Variants in ARMH3 observed in about 807,000 individuals in gnomAD.
ARMH3 encodes the protein armadillo like helical domain containing 3.
In ARMH3, 60 loss-of-function variants were observed where a neutral mutation model predicts 99.1. The ratio of observed to expected loss-of-function variants is 0.61; its 90% CI spans 0.49 to 0.75. ARMH3 has a LOEUF of 0.75. Among genes scored for constraint, ARMH3 ranks in the 30% least tolerant of loss-of-function variants. The probability of loss-of-function intolerance (pLI) is 0.00; values close to 1 mark genes in which losing one functional copy is unlikely to be tolerated. For synonymous variants in ARMH3, 285 were observed against 292.8 expected, an observed-to-expected ratio of 0.97 and a Z score of 0.27; for missense variants, 679 against 843.1, an observed-to-expected ratio of 0.81 and a Z score of 2.41.
chr10:101,852,887 T>A (rs948089548), intron 24 of ARMH3, among the ~76,000 whole-genome samples: 9 of 151,436 alleles, frequency 5.9e-5, no homozygotes, highest in African/African-American at 2.2e-4. Context: ...GCCCTTTCTT[T>A]TTTTTTTCTT....
intron 24 of ARMH3, among the ~76,000 whole-genome samples, chr10:101,879,105 C>T (rs2067344736): frequency 6.6e-6 from 1 of 152,126 alleles, no homozygotes; most frequent in Admixed American, 6.5e-5. Context: ...AAGCCATTAT[C>T]TTCACTCTCC....
intron 1 of ARMH3, among the ~76,000 whole-genome samples, chr10:102,041,814 A>T (rs548601631): frequency 1.4e-3 from 220 of 152,034 alleles, no homozygotes; most frequent in African/African-American, 5.2e-3. Flanking sequence ...ATGCCTGGCT[A>T]ATTTTTTGTA....
intron 19 of ARMH3, among the ~76,000 whole-genome samples, chr10:101,984,564 C>T (rs1353862023): frequency 6.6e-6 from 1 of 152,090 alleles, no homozygotes; most frequent in Non-Finnish European, 1.5e-5. Context: ...ATCCCACCAA[C>T]ACTGAGCCAC....
chr10:101,864,289 T>C (rs901574069), intron 24 of ARMH3, among the ~76,000 whole-genome samples: 103 of 152,264 alleles, frequency 6.8e-4, no homozygotes, highest in African/African-American at 2.3e-3. Flanking sequence ...TTTTACACTG[T>C]TGGTGGAACT....
At chr10:101,936,910 T>G (rs536714703) in intron 23 of ARMH3, among the ~76,000 whole-genome samples, 75 of 152,332 alleles carry the variant, frequency 4.9e-4, no homozygotes, top group Non-Finnish European at 1.0e-4. Flanking sequence ...TATAGTTCAC[T>G]AGGAGCTTTC....
intron 1 of ARMH3, among the ~76,000 whole-genome samples, chr10:102,051,702 A>C (rs916976145): frequency 1.3e-5 from 2 of 152,172 alleles, no homozygotes; most frequent in African/African-American, 2.4e-5. Context: ...GACTTTCCCA[A>C]GACTAAGAAG....
chr10:101,992,060 A>T, intron 17 of ARMH3, 22 bp from the exon 18 acceptor site: 5 of 1,605,476 alleles, frequency 3.1e-6, no homozygotes, highest in Non-Finnish European at 4.3e-6. Context: ...AAAAATGAAG[A>T]AAGGAAATTA....
intron 23 of ARMH3, among the ~76,000 whole-genome samples, chr10:101,933,190 T>TA (rs980156166): frequency 2.3e-4 from 35 of 151,396 alleles, no homozygotes; most frequent in South Asian, 1.3e-3. Flanking sequence ...TATCTCAATT[T>TA]AAAAAAAAAT....
At chr10:101,995,944 A>G (rs892636383) in intron 15 of ARMH3, among the ~76,000 whole-genome samples, 3 of 152,236 alleles carry the variant, frequency 2.0e-5, no homozygotes, top group Non-Finnish European at 4.4e-5. Flanking sequence ...TAGCACTACT[A>G]TGTGGCAGGC....
intron 1 of ARMH3, among the ~76,000 whole-genome samples, chr10:102,055,025 AAAC>A (rs1416238611): frequency 7.4e-6 from 1 of 135,058 alleles, no homozygotes; most frequent in Non-Finnish European, 1.6e-5. Context: ...ACAAACAAAC[AAAC>A]AAAAAAAAAA....
chr10:101,919,468 TA>T (rs1007009322), intron 23 of ARMH3, among the ~76,000 whole-genome samples: 2 of 152,180 alleles, frequency 1.3e-5, no homozygotes, highest in African/African-American at 4.8e-5. Context: ...CAGCACTTTA[TA>T]AGCCTTTCCC....
intron 17 of ARMH3, among the ~76,000 whole-genome samples, chr10:101,992,254 C>A (rs1391195048): frequency 6.6e-6 from 1 of 152,048 alleles, no homozygotes; most frequent in Non-Finnish European, 1.5e-5. Flanking sequence ...ACGCCTGTTA[C>A]AAAATTACAA....
At chr10:101,953,522 C>T (rs80294788) in intron 22 of ARMH3, among the ~76,000 whole-genome samples, 1,576 of 146,608 alleles carry the variant, frequency 0.011, 15 homozygotes, top group Non-Finnish European at 0.015. Flanking sequence ...GGATTACAAA[C>T]GTCAGCCACC....
chr10:101,975,049 T>TAAAAAAAAAAAAAAAAAAAAAAA (rs11399489), intron 20 of ARMH3, among the ~76,000 whole-genome samples, 163 bp downstream of exon 20: 1 of 29,660 alleles, frequency 3.4e-5, no homozygotes, highest in Non-Finnish European at 6.0e-5. Flanking sequence ...AGCTAAAACG[T>TAAAAAAAAAAAAAAAAAAAAAAA]AAAAAAAAAA....
rs770012007 is a variant in ARMH3 at position 102,033,021 on chromosome 10, T to C, written c.306+5A>G. Reference sequence around the variant, plus strand: ...CAAGACTTCCCCAGTCTCCCAGCCTTGTACCTGCAATGCATTGACAACCCG... The same window carrying C: ...CAAGACTTCCCCAGTCTCCCAGCCTCGTACCTGCAATGCATTGACAACCCG... On this transcript the variant is annotated splice_donor_5th_base_variant and intron_variant, in intron 4 of 25. Transcript: ENST00000370033. 8.1e-6 allele frequency: 13 copies of C among 1,613,794 alleles called. No homozygotes were observed. Among genetic ancestry groups the C allele is most frequent in the Non-Finnish European group, 1.1e-5 (13 of 1,179,888 alleles).
intron 23 of ARMH3, among the ~76,000 whole-genome samples, chr10:101,933,311 T>G (rs1843805930): frequency 6.6e-6 from 1 of 150,478 alleles, no homozygotes; most frequent in Non-Finnish European, 1.5e-5. Flanking sequence ...TAGGAGGGGG[T>G]TTAGATGCTA....
chr10:102,005,380 CA>C (rs11344018), intron 14 of ARMH3, among the ~76,000 whole-genome samples: 22,295 of 65,188 alleles, frequency 0.34, 1,272 homozygotes, highest in East Asian at 0.48. Flanking sequence ...GACTCTGTCT[CA>C]AAAAAAAAAA....
rs1221107920 is a variant in ARMH3, at chr10:101,846,251, T to G, written c.*1277A>C. 6.6e-6 allele frequency: 1 copy of G among 152,496 alleles called. No homozygotes were observed. The allele number at this position is 152,496 out of a possible 1,614,324, so 9.4% of individuals were successfully genotyped here. The stretch of plus-strand genomic sequence containing the variant: ...CCCAGGCACTAGACCATGACAGGAA[T>G]AGATTCCTCCCCAGAGGAAATTCTC... On this transcript the variant is annotated 3_prime_UTR_variant, in exon 26 of 26. Transcript: ENST00000370033.
At chr10:102,026,210 A>T (rs758173993) in intron 5 of ARMH3, among the ~76,000 whole-genome samples, 1 of 152,190 alleles carries the variant, frequency 6.6e-6, no homozygotes, top group Admixed American at 6.6e-5. Context: ...ACATTAAATG[A>T]GGAAGGAGAA....
Sources: gnomAD v4.1 joint callset for allele counts (sites outside exome capture counted in the v4.1 genomes callset) on GRCh38, gnomAD v4.1.1 for gene constraint, MANE v1.5 for transcripts, NCBI Gene and HGNC (gene_info 2026-07-23, HGNC 2026-07-21) for gene names.